Variants in CTNNA3 observed in about 807,000 individuals in gnomAD.
The protein encoded by CTNNA3 is catenin alpha-3.
CTNNA3 carries 76 observed loss-of-function variants against 95.7 expected under a neutral mutation model. The observed-to-expected ratio is 0.79, with a 90% confidence interval of 0.66 to 0.96. The LOEUF (loss-of-function observed/expected upper bound fraction) is 0.96, where lower values mean the gene tolerates loss of function less well. Among genes scored for constraint, CTNNA3 ranks in the 40% least tolerant of loss-of-function variants. The probability of loss-of-function intolerance (pLI) is 0.00; values close to 1 mark genes in which losing one functional copy is unlikely to be tolerated. For missense variants in CTNNA3, 1,191 were observed against 1,089.8 expected, an observed-to-expected ratio of 1.09 and a Z score of -1.31; for synonymous variants, 431 against 374.4, an observed-to-expected ratio of 1.15 and a Z score of -1.74.
rs12412949 is a variant in CTNNA3 at position 67,487,184 on chromosome 10, C to T, written c.579+34658G>A. On this transcript the variant is annotated intron_variant, in intron 5 of 17. Transcript: ENST00000433211. The stretch of plus-strand genomic sequence containing the variant: ...GAAATAGCAACACCAAAAAAGCCTG[C>T]GAAAGTGTCAGTTTTCTGTGCATAG... Among the ~76,000 whole-genome samples, 4,431 of 152,240 alleles carry T rather than the reference C, an allele frequency of 0.029. 412 individuals carry two copies. The East Asian group carries it at 0.34, about 12-fold the overall frequency.
chr10:66,294,597 A>G (rs987872391), intron 12 of CTNNA3, among the ~76,000 whole-genome samples: 1 of 152,174 alleles, frequency 6.6e-6, no homozygotes, highest in Non-Finnish European at 1.5e-5. Flanking sequence ...AAGAGTTCAT[A>G]AAGATCTGAA....
chr10:67,054,720 A>G (rs1292201658), intron 7 of CTNNA3: 1 of 152,134 alleles, frequency 6.6e-6, no homozygotes, highest in East Asian at 1.9e-4. Context: ...TTGTTTCTAT[A>G]CAATCGAAGT....
intron 7 of CTNNA3, among the ~76,000 whole-genome samples, chr10:66,997,610 G>A (rs1851429359): frequency 1.3e-5 from 2 of 152,222 alleles, no homozygotes; most frequent in South Asian, 2.1e-4. Context: ...TAAATTCAGG[G>A]TTCTGGATGT....
chr10:67,564,292 T>C lies in CTNNA3; in HGVS notation c.293-24623A>G, dbSNP rs572714521. Reference sequence around the variant, plus strand: ...GATTAAGAAAATGTGGCACATATAATCCATGGAATACTATGCAGTCATAAA... The same window carrying C: ...GATTAAGAAAATGTGGCACATATAACCCATGGAATACTATGCAGTCATAAA... On this transcript the variant is annotated intron_variant, in intron 3 of 17. Coordinates refer to ENST00000433211, the MANE Select transcript of CTNNA3 (RefSeq NM_013266.4). Among the ~76,000 whole-genome samples the C allele has an allele frequency of 3.5e-4, 53 of 149,688 alleles. 2 individuals are homozygous for C. The highest frequency in any genetic ancestry group is 1.1e-3 in the African/African-American group (45 of 40,600).
At chr10:66,121,480 A>G (rs2082570834) in intron 13 of CTNNA3, among the ~76,000 whole-genome samples, 1 of 152,070 alleles carries the variant, frequency 6.6e-6, no homozygotes, top group Admixed American at 6.6e-5. Flanking sequence ...ACACACACAC[A>G]CACTATCTTA....
chr10:66,243,258 C>T (rs1008777710), intron 13 of CTNNA3, among the ~76,000 whole-genome samples: 2 of 152,114 alleles, frequency 1.3e-5, no homozygotes, highest in African/African-American at 2.4e-5. Flanking sequence ...TTTAAACAGC[C>T]CTGTAAAGCT....
chr10:67,527,744 G>A (rs1840195064), intron 4 of CTNNA3, among the ~76,000 whole-genome samples: 1 of 152,198 alleles, frequency 6.6e-6, no homozygotes, highest in Admixed American at 6.5e-5. Flanking sequence ...ACCAAGAGGT[G>A]GAAGTGGTCC....
intron 7 of CTNNA3, among the ~76,000 whole-genome samples, chr10:66,964,179 G>A (rs1371829660): frequency 2.0e-5 from 3 of 151,888 alleles, no homozygotes; most frequent in South Asian, 2.1e-4. Flanking sequence ...CAGTAACATC[G>A]TAGGAAAAAC....
At chr10:67,704,638 A>G (rs1408608906) in intron 1 of CTNNA3, among the ~76,000 whole-genome samples, 4 of 152,334 alleles carry the variant, frequency 2.6e-5, no homozygotes, top group Admixed American at 2.6e-4. Flanking sequence ...AAGATGGATT[A>G]AAGACTTACA....
chr10:67,523,269 C>G (rs1306415049), intron 4 of CTNNA3, among the ~76,000 whole-genome samples: 1 of 152,098 alleles, frequency 6.6e-6, no homozygotes, highest in Non-Finnish European at 1.5e-5. Context: ...AAGACATTTC[C>G]TGCCCTGAAG....
chr10:67,389,359 A>G, intron 5 of CTNNA3, among the ~76,000 whole-genome samples: 1 of 148,502 alleles, frequency 6.7e-6, no homozygotes. Flanking sequence ...AAGAAGAGCT[A>G]ACTATCCTAA....
At chr10:66,374,514 C>T (rs1420552800) in intron 12 of CTNNA3, among the ~76,000 whole-genome samples, 3 of 149,534 alleles carry the variant, frequency 2.0e-5, no homozygotes, top group South Asian at 2.1e-4. Context: ...TTCTAACATA[C>T]GACACAATGG....
chr10:66,110,095 T>A (rs1007056227), intron 13 of CTNNA3, among the ~76,000 whole-genome samples: 1 of 152,104 alleles, frequency 6.6e-6, no homozygotes, highest in Non-Finnish European at 1.5e-5. Flanking sequence ...GCACAGTGGC[T>A]CATGCCTGTA....
intron 13 of CTNNA3, among the ~76,000 whole-genome samples, chr10:66,242,739 G>T (rs1003330576): frequency 1.3e-5 from 2 of 152,050 alleles, no homozygotes; most frequent in Non-Finnish European, 2.9e-5. Flanking sequence ...CATATATTTA[G>T]CCCTCACCCT....
At chr10:66,565,191 GCA>G (rs1230659814) in intron 10 of CTNNA3, among the ~76,000 whole-genome samples, 20 of 152,250 alleles carry the variant, frequency 1.3e-4, no homozygotes, top group African/African-American at 4.6e-4. Context: ...AAAATTGACA[GCA>G]CCTATAAAAC....
intron 13 of CTNNA3, among the ~76,000 whole-genome samples, chr10:66,147,668 A>C (rs72795332): frequency 6.9e-6 from 1 of 144,126 alleles, no homozygotes; most frequent in African/African-American, 2.6e-5. Flanking sequence ...GTAGAAAAAT[A>C]CCTTTCAATA....
intron 5 of CTNNA3, among the ~76,000 whole-genome samples, chr10:67,338,068 C>T (rs1213377912): frequency 6.6e-6 from 1 of 152,106 alleles, no homozygotes; most frequent in Non-Finnish European, 1.5e-5. Context: ...TAATTTGTTT[C>T]ATCTTCAGGA....
At chr10:66,574,032 C>T (rs1842939683) in intron 10 of CTNNA3, among the ~76,000 whole-genome samples, 1 of 152,002 alleles carries the variant, frequency 6.6e-6, no homozygotes, top group Non-Finnish European at 1.5e-5. Flanking sequence ...ATCTGTGATC[C>T]TTTTCAAACA....
At chr10:66,127,402 A>AC (rs2082880437) in intron 13 of CTNNA3, among the ~76,000 whole-genome samples, 1 of 152,144 alleles carries the variant, frequency 6.6e-6, no homozygotes, top group Non-Finnish European at 1.5e-5. Flanking sequence ...TAAAAATGGT[A>AC]CTTTTTCTCA....
Sources: allele counts gnomAD v4.1 joint callset (sites outside exome capture counted in the v4.1 genomes callset), GRCh38; gene constraint gnomAD v4.1.1; transcripts MANE v1.5; gene names NCBI Gene and HGNC (gene_info 2026-07-23, HGNC 2026-07-21).